Variants in AATK observed in about 807,000 individuals in gnomAD.
The protein encoded by AATK is lemur tail kinase 1, also known as serine/threonine-protein kinase LMTK1.
A neutral mutation model predicts 114.3 loss-of-function variants in AATK; 91 were observed. The observed-to-expected ratio is 0.80, with a 90% CI of 0.67 to 0.95. The LOEUF is 0.95. Ranked by LOEUF, AATK falls within the 40% of genes least tolerant of loss-of-function variation. AATK has a pLI of 0.00. For synonymous variants in AATK, 1,075 were observed against 916.5 expected, an observed-to-expected ratio of 1.17 and a Z score of -3.12; for missense variants, 2,176 against 1,965.2, an observed-to-expected ratio of 1.11 and a Z score of -2.03.
intron 2 of AATK, chr17:81,133,260 G>A (rs1378645822): frequency 2.1e-6 from 1 of 482,002 alleles, no homozygotes; most frequent in Admixed American, 2.3e-5. Flanking sequence ...CTTTAGAAAA[G>A]GCAAAAAGGC....
rs11868376 is a variant in AATK at position 81,133,963 on chromosome 17, C to T, written c.189+405G>A. ...CGGACTCCCCTTTGCAGATTGAATT[C>T]GGAGGGACGTGAGAGCCCCTTGCAG... is the stretch of plus-strand genomic sequence containing the variant. On this transcript the variant is annotated intron_variant, in intron 2 of 13. Coordinates refer to ENST00000326724, the MANE Select transcript of AATK (RefSeq NM_001080395.3). Among the ~76,000 whole-genome samples the T allele has an allele frequency of 1.0e-2, 1,518 of 152,272 alleles. 28 individuals carry two copies. Among genetic ancestry groups the T allele is most frequent in the African/African-American group, 0.034 (1,417 of 41,546 alleles).
In AATK at chr17:81,124,921, C is replaced by T. The variant is rs777948543; in HGVS notation, c.840+9G>A. 1 of 1,563,508 alleles carries T rather than the reference C, an allele frequency of 6.4e-7. No individual in the cohort carries two copies. The highest frequency in any genetic ancestry group is 1.2e-5 in the South Asian group (1 of 84,434). On this transcript the variant is annotated intron_variant, in intron 8 of 13. Transcript: ENST00000326724. ...TCATGCCCAGCCCAGCCCACCCCAC[C>T]CCACTCACTCTGTACTTGCAGTGAG... is the stretch of plus-strand genomic sequence containing the variant.
chr17:81,119,550 G>C lies in AATK; in HGVS notation c.3914C>G (p.Pro1305Arg). The change falls in exon 13 of 14, where the codon CCG becomes CGG. Residue 1305 changes from proline to arginine, a missense_variant. Transcript: ENST00000326724. The part of the protein sequence containing the change: ...GGGFAWDDDF[P>R]LMTAKAAFAM... ...GAAGGCTGCCTTGGCCGTCATCAGC[G>C]GGAAGTCGTCGTCCCACGCGAACCC... 4 of 1,581,978 alleles carry C rather than the reference G, an allele frequency of 2.5e-6. No homozygotes were observed. Among genetic ancestry groups the C allele is most frequent in the Non-Finnish European group, 2.6e-6 (3 of 1,166,528 alleles).
In AATK at chr17:81,166,098, G is replaced by A; in HGVS notation, c.-106C>T. 1 of 640,836 alleles carries A rather than the reference G, an allele frequency of 1.6e-6. No individual in the cohort carries two copies. Among genetic ancestry groups the A allele is most frequent in the Non-Finnish European group, 1.9e-6 (1 of 514,720 alleles). The allele number at this position is 640,836 out of a possible 1,614,324, so 39.7% of individuals were successfully genotyped here. The stretch of plus-strand genomic sequence containing the variant: ...ACCCAGCGGCCGCCGCAGGTGCGGA[G>A]CGCGCCGGCCCCCGCGCCCCGCGCC... On this transcript the variant is annotated 5_prime_UTR_variant, in exon 1 of 14. Transcript: ENST00000326724.
In AATK at chr17:81,122,841, G is replaced by C. The variant is rs746498125; in HGVS notation, c.1113-18C>G. 9 of 1,463,410 alleles carry C rather than the reference G, an allele frequency of 6.2e-6. No individual in the cohort carries two copies. The Admixed American group carries it at 9.9e-5, about 16-fold the overall frequency. The allele number at this position is 1,463,410 out of a possible 1,614,324, so 90.7% of individuals were successfully genotyped here. A position where few individuals can be genotyped will look rare whatever the true frequency, so the allele number is the denominator to read the frequency against. ...CCTCGTACCTGCGAGGAGGTCCCCC[G>C]GGGGCCACGTCAGAGGCAACGCTGG... On this transcript the variant is annotated intron_variant, in intron 10 of 13. Coordinates refer to ENST00000326724, the MANE Select transcript of AATK (RefSeq NM_001080395.3).
intron 2 of AATK, among the ~76,000 whole-genome samples, chr17:81,132,303 G>A (rs191849370): frequency 8.8e-4 from 134 of 152,336 alleles, no homozygotes; most frequent in African/African-American, 2.5e-3. Context: ...TGGTGAGTCC[G>A]AGGACAGGCA....
chr17:81,133,490 C>A (rs191608597), intron 2 of AATK: 5 of 278,960 alleles, frequency 1.8e-5, no homozygotes, highest in Non-Finnish European at 3.6e-5. Flanking sequence ...CCACCCTCCT[C>A]CCTCCCTGAC....
intron 8 of AATK, 25 bp downstream of exon 8, chr17:81,124,905 G>GGGCCC: frequency 8.7e-5 from 131 of 1,500,686 alleles, no homozygotes; most frequent in Non-Finnish European, 1.1e-4. Flanking sequence ...CTCATGCCCA[G>GGGCCC]CCCAGCCCAC....
intron 10 of AATK, 21 bp from the exon 11 acceptor site, chr17:81,122,844 G>A: frequency 6.9e-7 from 1 of 1,453,808 alleles, no homozygotes; most frequent in Non-Finnish European, 9.1e-7. Flanking sequence ...GTCCCCCGGG[G>A]GCCACGTCAG....
chr17:81,125,801 T>A (rs1311845702), intron 7 of AATK: 2 of 365,470 alleles, frequency 5.5e-6, no homozygotes, highest in Non-Finnish European at 1.1e-5. Context: ...GTCCTGGGCC[T>A]AGGGGGTGGA....
chr17:81,117,842 C>CTT lies in AATK; in HGVS notation c.*558_*559dup, dbSNP rs1392660381. On this transcript the variant is annotated 3_prime_UTR_variant, in exon 14 of 14. Coordinates refer to ENST00000326724, the MANE Select transcript of AATK (RefSeq NM_001080395.3). ...TCAGTGAAGGGGAAACAGCCACGGA[C>CTT]TTTGAGATAAGGGCAGCGGAAACAG... 1 of 152,520 alleles carries CTT rather than the reference C, an allele frequency of 6.6e-6. No individual in the cohort carries two copies. The highest frequency in any genetic ancestry group is 1.5e-5 in the Non-Finnish European group (1 of 68,216). 9.4% of individuals were successfully genotyped at this position (152,520 alleles called of 1,614,324 possible). A position where few individuals can be genotyped will look rare whatever the true frequency, so the allele number is the denominator to read the frequency against.
intron 12 of AATK, 63 bp downstream of exon 12, chr17:81,119,873 C>T: frequency 7.1e-7 from 1 of 1,401,240 alleles, no homozygotes; most frequent in African/African-American, 1.5e-5. Context: ...CCCCGCCTCC[C>T]ACACAGCACG....
At position 81,128,506 on chromosome 17, in the gene AATK, C is replaced by T. The variant is rs752812248; in HGVS notation, c.378G>A (p.Leu126=). Reference sequence around the variant, plus strand: ...AGCCACGGCCGATTTCCTTCAGGTACAGGAGGCTGTGCCGGCCCACGTCTG... The same window carrying T: ...AGCCACGGCCGATTTCCTTCAGGTATAGGAGGCTGTGCCGGCCCACGTCTG... ...KSTDVGRHSL[L]YLKEIGRGWF... Residue 126 remains leucine, a synonymous_variant, in exon 4 of 14, where the codon CTG becomes CTA. Coordinates refer to ENST00000326724, the MANE Select transcript of AATK (RefSeq NM_001080395.3). 3 of 1,549,380 alleles carry T rather than the reference C, an allele frequency of 1.9e-6. No homozygotes were observed. The highest frequency in any genetic ancestry group is 2.6e-6 in the Non-Finnish European group (3 of 1,146,924).
chr17:81,137,879 C>A (rs2061038275), intron 1 of AATK, among the ~76,000 whole-genome samples: 1 of 151,982 alleles, frequency 6.6e-6, no homozygotes, highest in South Asian at 2.1e-4. Flanking sequence ...CCCATACCCG[C>A]ACAGGCATAT....
At chr17:81,146,307 G>A (rs1320661789) in intron 1 of AATK, among the ~76,000 whole-genome samples, 1 of 151,630 alleles carries the variant, frequency 6.6e-6, no homozygotes, top group Non-Finnish European at 1.5e-5. Flanking sequence ...GTTGCAGTGA[G>A]CCAAGATTGA....
chr17:81,132,757 C>T, intron 2 of AATK: 1 of 237,658 alleles, frequency 4.2e-6, no homozygotes, highest in South Asian at 3.7e-5. Context: ...CAGCACAGCT[C>T]CCCACCAGGG....
Position 81,131,145 on chromosome 17 carries a change from T to G in AATK, c.250A>C (p.Thr84Pro). The G allele has an allele frequency of 6.3e-7, 1 of 1,575,670 alleles. No homozygotes were observed. Residue 84 changes from threonine to proline, a missense_variant, in exon 3 of 14, where the codon ACG becomes CCG. This residue lies in a region of AATK where 178 missense variants were observed against 175.4 expected (regional missense o/e 1.01). Coordinates refer to ENST00000326724, the MANE Select transcript of AATK (RefSeq NM_001080395.3). The part of the protein sequence containing the change: ...AADLAQGSPA[T>P]AAQNGPDVYV... ...ACGTCGGGCCCGTTCTGTGCTGCCG[T>G]GGCCGGGGAGCCCTGCGCCAGGTCG... is the stretch of plus-strand genomic sequence containing the variant.
chr17:81,125,036 GGGGC>G (rs2060781600), intron 7 of AATK, 22 bp from the exon 8 acceptor site: 5 of 1,405,854 alleles, frequency 3.6e-6, no homozygotes, highest in Non-Finnish European at 4.6e-6. Context: ...GGCAGGGGCA[GGGGC>G]AGGGTGAGCA....
At chr17:81,163,151 G>A (rs996237084) in intron 1 of AATK, among the ~76,000 whole-genome samples, 4 of 152,152 alleles carry the variant, frequency 2.6e-5, no homozygotes, top group Non-Finnish European at 5.9e-5. Flanking sequence ...CAGGCTGAGC[G>A]CGCCTCTCCA....
Sources: allele counts gnomAD v4.1 joint callset (sites outside exome capture counted in the v4.1 genomes callset), GRCh38; gene constraint gnomAD v4.1.1; regional missense constraint gnomAD v4.1.1; transcripts MANE v1.5; gene names NCBI Gene and HGNC (gene_info 2026-07-23, HGNC 2026-07-21).